The following SCN2A variants were observed in gnomAD, a reference collection of about 807,000 sequenced individuals.
SCN2A encodes sodium voltage-gated channel alpha subunit 2, also known as sodium channel protein type 2 subunit alpha.
Under a neutral mutation model 188.7 loss-of-function variants are expected in SCN2A, and 20 were observed. That is an observed-to-expected ratio of 0.11 (90% CI 0.07 to 0.15). SCN2A has a LOEUF of 0.15. Ranked by LOEUF, SCN2A falls within the 10% of genes least tolerant of loss-of-function variation. SCN2A has a pLI of 1.00. For missense variants in SCN2A, 1,278 were observed against 2,445.0 expected (o/e 0.52, Z 10.07); for synonymous variants, 804 against 833.1 (o/e 0.97, Z 0.60).
At chr2:165,265,935 G>C (rs1694842983) in intron 1 of SCN2A, among the ~76,000 whole-genome samples, 1 of 151,298 alleles carries the variant, frequency 6.6e-6, no homozygotes, top group African/African-American at 2.4e-5. Context: ...GATCCTCCCT[G>C]CTCAGCCTCT....
intron 1 of SCN2A, among the ~76,000 whole-genome samples, chr2:165,249,079 T>C (rs1222700292): frequency 6.6e-6 from 1 of 152,144 alleles, no homozygotes; most frequent in Non-Finnish European, 1.5e-5. Context: ...TTAATGTTTT[T>C]CTCTTGTGAC....
intron 1 of SCN2A, chr2:165,270,286 T>G (rs1695047592): frequency 6.6e-6 from 1 of 152,084 alleles, no homozygotes; most frequent in Admixed American, 6.6e-5. Flanking sequence ...ATTTTGCTAC[T>G]GTTTTTATTC....
At chr2:165,293,761 A>G in intron 1 of SCN2A, 12 of 874,498 alleles carry the variant, frequency 1.4e-5, no homozygotes, top group Non-Finnish European at 1.6e-5. Context: ...AACACTTAAA[A>G]TCAACAAAGT....
chr2:165,326,799 G>A (rs1698381159), intron 12 of SCN2A, 53 bp from the exon 13 acceptor site: 2 of 1,606,478 alleles, frequency 1.2e-6, no homozygotes, highest in African/African-American at 2.7e-5. Flanking sequence ...GAATGCTTTG[G>A]GCTTTGCTGC....
intron 1 of SCN2A, among the ~76,000 whole-genome samples, chr2:165,291,348 GTTCGTTCC>G (rs765554470): frequency 0.32 from 26,188 of 82,728 alleles, 4,073 homozygotes; most frequent in Admixed American, 0.43. Context: ...CTTGTCTGTC[GTTCGTTCC>G]TTCCTTCCTT....
intron 26 of SCN2A, among the ~76,000 whole-genome samples, chr2:165,388,101 A>G (rs1339359124): frequency 1.1e-4 from 16 of 152,144 alleles, no homozygotes; most frequent in African/African-American, 2.4e-5. Context: ...GAAAAAGTTG[A>G]TATTATCACC....
chr2:165,289,084 A>G (rs1174799677), intron 1 of SCN2A, among the ~76,000 whole-genome samples: 2 of 152,020 alleles, frequency 1.3e-5, no homozygotes, highest in South Asian at 2.1e-4. Context: ...ACTAATTACA[A>G]TATAAACTAA....
chr2:165,344,707 G>A lies in SCN2A; in HGVS notation c.2715G>A (p.Lys905=). 6.2e-7 allele frequency: 1 copy of A among 1,614,132 alleles called. No individual in the cohort carries two copies. The highest frequency in any genetic ancestry group is 8.5e-7 in the Non-Finnish European group (1 of 1,180,026). ...FAVVGMQLFG[K]SYKECVCKIS... ...TGGTCGGCATGCAGCTCTTTGGTAAGAGCTACAAAGAATGTGTCTGCAAGA... is the reference window on the plus strand; with the variant it reads ...TGGTCGGCATGCAGCTCTTTGGTAAAAGCTACAAAGAATGTGTCTGCAAGA... Residue 905 remains lysine, a synonymous_variant, in exon 16 of 27, where the codon AAG becomes AAA. Coordinates refer to ENST00000375437, the MANE Select transcript of SCN2A (RefSeq NM_001040142.2).
intron 15 of SCN2A, among the ~76,000 whole-genome samples, chr2:165,344,275 T>A (rs576168943): frequency 6.6e-6 from 1 of 152,218 alleles, no homozygotes; most frequent in South Asian, 2.1e-4. Context: ...TGGTAGCAAG[T>A]CACTGCTATA....
intron 1 of SCN2A, among the ~76,000 whole-genome samples, chr2:165,242,260 A>T (rs2106051054): frequency 6.6e-6 from 1 of 152,292 alleles, no homozygotes; most frequent in Middle Eastern, 3.4e-3. Flanking sequence ...TTAATGGGGA[A>T]CAAAAGAGAA....
chr2:165,352,583 C>T (rs1439798984), intron 16 of SCN2A, among the ~76,000 whole-genome samples: 4 of 152,120 alleles, frequency 2.6e-5, no homozygotes, highest in Non-Finnish European at 1.5e-5. Context: ...CCAAAATGCT[C>T]GGAAGTTCAA....
At chr2:165,369,214 C>T (rs1700895581) in intron 19 of SCN2A, among the ~76,000 whole-genome samples, 1 of 152,134 alleles carries the variant, frequency 6.6e-6, no homozygotes, top group Non-Finnish European at 1.5e-5. Context: ...CGGGCGTGAA[C>T]CACCGCACCT....
At chr2:165,327,144 A>C in intron 13 of SCN2A, 160 bp downstream of exon 13, 1 of 889,790 alleles carries the variant, frequency 1.1e-6, no homozygotes, top group Non-Finnish European at 1.7e-6. Context: ...GGATTCTATT[A>C]TCTTCCACAG....
chr2:165,373,945 T>G (rs960419920), intron 21 of SCN2A, among the ~76,000 whole-genome samples: 2 of 152,082 alleles, frequency 1.3e-5, no homozygotes, highest in Non-Finnish European at 2.9e-5. Context: ...CTCAGTTGTT[T>G]TAGCTGGTTC....
At chr2:165,315,002 G>T (rs989625045) in intron 10 of SCN2A, among the ~76,000 whole-genome samples, 4 of 152,032 alleles carry the variant, frequency 2.6e-5, no homozygotes, top group Non-Finnish European at 5.9e-5. Context: ...TTTAAATCAC[G>T]GAGAAAAATG....
At chr2:165,375,167 A>T (rs1701243694) in intron 22 of SCN2A, among the ~76,000 whole-genome samples, 1 of 151,992 alleles carries the variant, frequency 6.6e-6, no homozygotes. Flanking sequence ...TTTATGGAAA[A>T]CAGTATGGAG....
At position 165,326,022 on chromosome 2, in the gene SCN2A, T is replaced by A. The variant is rs777140; in HGVS notation, c.2017-830T>A. 4.5e-3 allele frequency among the ~76,000 whole-genome samples: 683 copies of A among 152,304 alleles called. 10 individuals carry two copies. The highest frequency in any genetic ancestry group is 0.031 in the South Asian group (151 of 4,822). The stretch of plus-strand genomic sequence containing the variant: ...TCCTCAAAGGAATGAAACTTTTTAA[T>A]TTATTATTAACACTCAGACCTGCAT... On this transcript the variant is annotated intron_variant, in intron 12 of 26. Coordinates refer to ENST00000375437, the MANE Select transcript of SCN2A (RefSeq NM_001040142.2).
chr2:165,343,873 T>C (rs186319832), intron 15 of SCN2A, among the ~76,000 whole-genome samples: 57 of 152,274 alleles, frequency 3.7e-4, no homozygotes, highest in Middle Eastern at 3.4e-3. Flanking sequence ...TAGCCTAAAG[T>C]TACAGCAAGC....
rs141653181 is a variant in SCN2A at position 165,324,811 on chromosome 2, G to C, written c.2016+1311G>C. Reference sequence around the variant, plus strand: ...TTACTGAACCTACATTCTATCAACAGTGAAATATTGCCTCCCACTGAGTTA... The same window carrying C: ...TTACTGAACCTACATTCTATCAACACTGAAATATTGCCTCCCACTGAGTTA... On this transcript the variant is annotated intron_variant, in intron 12 of 26. Transcript: ENST00000375437. 8.2e-3 allele frequency among the ~76,000 whole-genome samples: 1,246 copies of C among 152,260 alleles called. 24 individuals carry two copies. Among genetic ancestry groups the C allele is most frequent in the African/African-American group, 0.028 (1,153 of 41,550 alleles).
Sources: allele counts gnomAD v4.1 joint callset (sites outside exome capture counted in the v4.1 genomes callset), GRCh38; gene constraint gnomAD v4.1.1; transcripts MANE v1.5; gene names NCBI Gene and HGNC (gene_info 2026-07-23, HGNC 2026-07-21).